Variants in CNNM2 observed in about 807,000 individuals in gnomAD.
CNNM2 encodes cyclin and CBS domain divalent metal cation transport mediator 2.
CNNM2 carries 12 observed loss-of-function variants against 66.9 expected under a neutral mutation model. The observed-to-expected ratio is 0.18, with a 90% CI of 0.11 to 0.29. The LOEUF (loss-of-function observed/expected upper bound fraction) is 0.29, where lower values mean the gene tolerates loss of function less well. Ranked by LOEUF, CNNM2 falls within the 10% of genes least tolerant of loss-of-function variation. The pLI is 1.00. For missense variants in CNNM2, 705 were observed against 1,167.7 expected (o/e 0.60, Z 5.77); for synonymous variants, 557 against 501.8 (o/e 1.11, Z -1.47).
chr10:102,944,959 A>ATGGTT (rs1846557273), intron 1 of CNNM2, among the ~76,000 whole-genome samples: 1 of 137,666 alleles, frequency 7.3e-6, no homozygotes, highest in African/African-American at 2.7e-5. Flanking sequence ...AGGGTTAAAT[A>ATGGTT]TGGTTTTGTT....
rs575869650 is a variant in CNNM2 at position 103,084,133 on chromosome 10, A to C, written c.*6953A>C. ...ACCCTCTGTGATCCATTCCTAAACC[A>C]CATCTTTTTGGAATCCCTTTTCTCT... On this transcript the variant is annotated 3_prime_UTR_variant, in exon 8 of 8. Coordinates refer to ENST00000369878, the MANE Select transcript of CNNM2 (RefSeq NM_017649.5). 2.6e-5 allele frequency: 4 copies of C among 152,012 alleles called. No individual in the cohort carries two copies. The highest frequency in any genetic ancestry group is 9.7e-5 in the African/African-American group (4 of 41,378). 9.4% of individuals were successfully genotyped at this position (152,012 alleles called of 1,614,324 possible). A position where few individuals can be genotyped will look rare whatever the true frequency, so the allele number is the denominator to read the frequency against.
At chr10:103,031,957 A>G (rs558490544) in intron 1 of CNNM2, among the ~76,000 whole-genome samples, 12 of 152,224 alleles carry the variant, frequency 7.9e-5, no homozygotes, top group Non-Finnish European at 1.3e-4. Context: ...AGCATTAGCA[A>G]TGAGGCAGTG....
At chr10:102,940,236 G>A (rs1846380164) in intron 1 of CNNM2, among the ~76,000 whole-genome samples, 2 of 151,926 alleles carry the variant, frequency 1.3e-5, no homozygotes, top group Non-Finnish European at 2.9e-5. Flanking sequence ...TTACAGGTGT[G>A]AGCCACTGCG....
chr10:102,958,459 G>GT lies in CNNM2; in HGVS notation c.1621+38388dup, dbSNP rs33992570. Reference sequence around the variant, plus strand: ...GACTTGTTCTGAATTCAAGCAACTTGTTTTTTTTTTTTTTTTTTTTTTTTT... The same window carrying GT: ...GACTTGTTCTGAATTCAAGCAACTTGTTTTTTTTTTTTTTTTTTTTTTTTTT... On this transcript the variant is annotated intron_variant, in intron 1 of 7. Coordinates refer to ENST00000369878, the MANE Select transcript of CNNM2 (RefSeq NM_017649.5). Among the ~76,000 whole-genome samples, 115 of 51,746 alleles carry GT rather than the reference G, an allele frequency of 2.2e-3. 20 individuals carry two copies. The highest frequency in any genetic ancestry group is 0.043 in the Middle Eastern group (2 of 46). The allele number at this position is 51,746 out of a possible 152,430, so 33.9% of individuals were successfully genotyped here.
At chr10:103,008,872 T>G (rs1036621393) in intron 1 of CNNM2, among the ~76,000 whole-genome samples, 1 of 151,678 alleles carries the variant, frequency 6.6e-6, no homozygotes, top group Non-Finnish European at 1.5e-5. Context: ...TAAAACAAGA[T>G]TTTTCGAGTT....
chr10:102,932,737 G>A (rs554206180), intron 1 of CNNM2, among the ~76,000 whole-genome samples: 29 of 152,080 alleles, frequency 1.9e-4, no homozygotes, highest in African/African-American at 5.8e-4. Context: ...GGCCAACATG[G>A]TGAAACCCCG....
chr10:103,071,252 G>A (rs532770602), intron 5 of CNNM2, among the ~76,000 whole-genome samples: 1 of 152,332 alleles, frequency 6.6e-6, no homozygotes, highest in East Asian at 1.9e-4. Context: ...GGAAATCTGT[G>A]TATGCGTTCT....
intron 5 of CNNM2, among the ~76,000 whole-genome samples, chr10:103,070,315 G>T (rs957986097): frequency 2.6e-5 from 4 of 152,214 alleles, no homozygotes; most frequent in South Asian, 2.1e-4. Context: ...AGGTCGTGTG[G>T]TGTTGAGCGA....
intron 1 of CNNM2, among the ~76,000 whole-genome samples, chr10:103,030,328 T>C (rs1047308222): frequency 2.0e-5 from 3 of 152,126 alleles, no homozygotes; most frequent in African/African-American, 4.8e-5. Context: ...ATCAGTGAGG[T>C]GGCCTTGAGG....
rs184349751 is a variant in CNNM2 at position 102,925,626 on chromosome 10, G to C, written c.1621+5525G>C. 1.4e-4 allele frequency among the ~76,000 whole-genome samples: 22 copies of C among 152,274 alleles called. 1 individual carries two copies. The highest frequency in any genetic ancestry group is 3.3e-4 in the Admixed American group (5 of 15,286). Reference sequence around the variant, plus strand: ...GGAGTTCTTCCTGCTCCAGCAGGCTGGTCTTCTGGTCCCAAGTTATTCAGA... The same window carrying C: ...GGAGTTCTTCCTGCTCCAGCAGGCTCGTCTTCTGGTCCCAAGTTATTCAGA... On this transcript the variant is annotated intron_variant, in intron 1 of 7. Coordinates refer to ENST00000369878, the MANE Select transcript of CNNM2 (RefSeq NM_017649.5).
At chr10:102,987,717 T>C (rs1477762800) in intron 1 of CNNM2, among the ~76,000 whole-genome samples, 3 of 152,146 alleles carry the variant, frequency 2.0e-5, no homozygotes, top group African/African-American at 7.2e-5. Context: ...AACATTTTCA[T>C]AGAATACATA....
At chr10:103,074,022 T>C (rs940634469) in intron 6 of CNNM2, among the ~76,000 whole-genome samples, 1 of 152,044 alleles carries the variant, frequency 6.6e-6, no homozygotes, top group Non-Finnish European at 1.5e-5. Context: ...GGTGCAGCAC[T>C]CACACCTGTA....
intron 1 of CNNM2, among the ~76,000 whole-genome samples, chr10:103,018,240 A>G (rs2064495513): frequency 6.6e-6 from 1 of 152,120 alleles, no homozygotes; most frequent in Non-Finnish European, 1.5e-5. Flanking sequence ...GTGGTGAGAA[A>G]AAATCAGATT....
At chr10:102,934,277 TTC>T (rs1197466495) in intron 1 of CNNM2, among the ~76,000 whole-genome samples, 6 of 147,960 alleles carry the variant, frequency 4.1e-5, no homozygotes, top group Non-Finnish European at 3.0e-5. Flanking sequence ...CTTTCTTTCT[TTC>T]TTTTTTTTTT....
intron 1 of CNNM2, among the ~76,000 whole-genome samples, chr10:102,948,045 C>G (rs1197340092): frequency 6.6e-6 from 1 of 152,052 alleles, no homozygotes; most frequent in Non-Finnish European, 1.5e-5. Flanking sequence ...GAGCGAGACT[C>G]CCTCTCAAAA....
intron 1 of CNNM2, among the ~76,000 whole-genome samples, chr10:102,974,836 A>T (rs2134221160): frequency 6.6e-6 from 1 of 152,306 alleles, no homozygotes; most frequent in African/African-American, 2.4e-5. Context: ...CATGCCCATG[A>T]ATCCTATTTT....
chr10:102,918,617 G>A lies in CNNM2; in HGVS notation c.137G>A (p.Gly46Glu), dbSNP rs1260811735. 6.5e-7 allele frequency: 1 copy of A among 1,546,344 alleles called. No homozygotes were observed. The highest frequency in any genetic ancestry group is 2.5e-5 in the East Asian group (1 of 40,314). ...CGGGGGATCCTGCAGGCGGCTGCGGGGCGGCTGCTGCCGCTGCTCCTGCTG... is the reference window on the plus strand; with the variant it reads ...CGGGGGATCCTGCAGGCGGCTGCGGAGCGGCTGCTGCCGCTGCTCCTGCTG... ...RGRGILQAAA[G>E]RLLPLLLLSC... The change falls in exon 1 of 8, where the codon GGG becomes GAG. Residue 46 changes from glycine (G) to glutamate (E), a missense_variant. Coordinates refer to ENST00000369878, the MANE Select transcript of CNNM2 (RefSeq NM_017649.5). The surrounding 1 kb of genome is among the most constrained non-coding windows in gnomAD (Gnocchi z 4.1).
At chr10:102,944,752 G>T (rs531426762) in intron 1 of CNNM2, among the ~76,000 whole-genome samples, 1 of 152,030 alleles carries the variant, frequency 6.6e-6, no homozygotes, top group South Asian at 2.1e-4. Flanking sequence ...TCACACCCAC[G>T]AAATTTAATG....
chr10:103,089,941 A>G lies in CNNM2; in HGVS notation c.*12761A>G. ...GAAAAAAGCTAGAGGCTCAGAAAGC[A>G]GGCAGAGCAAAGTAGCTACTCCCCA... On this transcript the variant is annotated 3_prime_UTR_variant, in exon 8 of 8. Coordinates refer to ENST00000369878, the MANE Select transcript of CNNM2 (RefSeq NM_017649.5). 6.5e-7 allele frequency: 1 copy of G among 1,547,462 alleles called. No individual in the cohort carries two copies. The highest frequency in any genetic ancestry group is 8.7e-7 in the Non-Finnish European group (1 of 1,145,522).
Sources: allele counts gnomAD v4.1 joint callset (sites outside exome capture counted in the v4.1 genomes callset), GRCh38; gene constraint gnomAD v4.1.1; non-coding constraint Gnocchi (gnomAD v3.1); transcripts MANE v1.5; gene names NCBI Gene and HGNC (gene_info 2026-07-23, HGNC 2026-07-21).